Variants in TXNRD1 observed in about 807,000 individuals in gnomAD.
The protein encoded by TXNRD1 is thioredoxin reductase 1, cytoplasmic.
In TXNRD1, 57 loss-of-function variants were observed where a neutral mutation model predicts 80.3. The ratio of observed to expected loss-of-function variants is 0.71; its 90% confidence interval spans 0.57 to 0.89. The LOEUF is 0.89. TXNRD1 is among the 40% of genes least tolerant of loss of function. The pLI is 0.00. For missense variants in TXNRD1, 730 were observed against 803.0 expected, an observed-to-expected ratio of 0.91 and a Z score of 1.10; for synonymous variants, 291 against 285.2, an observed-to-expected ratio of 1.02 and a Z score of -0.20.
chr12:104,246,383 G>C (rs931926855), intron 1 of TXNRD1, among the ~76,000 whole-genome samples: 10 of 151,044 alleles, frequency 6.6e-5, no homozygotes, highest in African/African-American at 2.2e-4. Flanking sequence ...AGCCAAGATC[G>C]CGCCACTGCA....
intron 1 of TXNRD1, among the ~76,000 whole-genome samples, chr12:104,241,405 G>C (rs1368708331): frequency 6.6e-6 from 1 of 150,774 alleles, no homozygotes; most frequent in African/African-American, 2.4e-5. Flanking sequence ...GAGTTTTGCT[G>C]TTGTTGCCCA....
intron 15 of TXNRD1, among the ~76,000 whole-genome samples, chr12:104,335,389 G>A (rs187160815): frequency 1.3e-5 from 2 of 151,878 alleles, no homozygotes; most frequent in Non-Finnish European, 2.9e-5. Flanking sequence ...TAGTAGAGAC[G>A]GGGTTTCACC....
chr12:104,286,068 CTGTT>C (rs765276750), intron 3 of TXNRD1: 5 of 152,182 alleles, frequency 3.3e-5, no homozygotes, highest in South Asian at 2.1e-4. Flanking sequence ...CAGTGGTTGC[CTGTT>C]TGTTTAGAGG....
intron 4 of TXNRD1, among the ~76,000 whole-genome samples, chr12:104,293,204 G>A (rs2034289934): frequency 1.3e-5 from 2 of 152,220 alleles, no homozygotes; most frequent in South Asian, 4.1e-4. Context: ...ACTGAGAGGA[G>A]AAGCAGAGTG....
intron 4 of TXNRD1, chr12:104,304,524 A>C: frequency 6.2e-7 from 1 of 1,614,068 alleles, no homozygotes; most frequent in Non-Finnish European, 8.5e-7. Flanking sequence ...AAGATGGAAG[A>C]AAATGGCAAC....
In TXNRD1 at chr12:104,288,970, C is replaced by T. The variant is rs1450733646; in HGVS notation, c.344C>T (p.Ala115Val). 7 of 1,613,894 alleles carry T rather than the reference C, an allele frequency of 4.3e-6. No individual in the cohort carries two copies. Among genetic ancestry groups the T allele is most frequent in the Admixed American group, 1.7e-5 (1 of 59,994 alleles). ...RALEGTLSEL[A>V]AETDLPVVFV... Reference sequence around the variant, plus strand: ...CTGGAAGGAACGCTCTCGGAATTGGCCGCGGAAACCGATCTGCCCGTTGTG... The same window carrying T: ...CTGGAAGGAACGCTCTCGGAATTGGTCGCGGAAACCGATCTGCCCGTTGTG... The change falls in exon 4 of 17, where the codon GCC becomes GTC. Residue 115 changes from alanine to valine, a missense_variant. Ala to Val is a moderately conservative substitution (Grantham distance 64). Transcript: ENST00000525566.
chr12:104,215,811 C>T lies in TXNRD1; in HGVS notation c.9C>T (p.Cys3=), dbSNP rs1237546693. MG[C]AEGKAVAAAA... is the part of the protein sequence containing the mutation. ...ACAGGGCCTTGTGCGACATGGGCTG[C>T]GCCGAGGGCAAGGCAGTGGCGGCGG... The change falls in exon 1 of 17, where the codon TGC becomes TGT. Residue 3 remains cysteine (C), a synonymous_variant. Transcript: ENST00000525566. 2.6e-6 allele frequency: 4 copies of T among 1,560,864 alleles called. No individual in the cohort carries two copies. Among genetic ancestry groups the T allele is most frequent in the Admixed American group, 1.9e-5 (1 of 51,916 alleles).
chr12:104,346,988 G>A (rs752737464), intron 16 of TXNRD1, among the ~76,000 whole-genome samples: 4 of 152,182 alleles, frequency 2.6e-5, no homozygotes, highest in Admixed American at 1.3e-4. Flanking sequence ...CCACCTACTC[G>A]GGAGGCTGAG....
intron 16 of TXNRD1, among the ~76,000 whole-genome samples, chr12:104,342,598 T>G (rs1351195052): frequency 6.6e-6 from 1 of 152,110 alleles, no homozygotes; most frequent in African/African-American, 2.4e-5. Flanking sequence ...TTCAAGGAAC[T>G]GAAGAAGACC....
At position 104,318,158 on chromosome 12, in the gene TXNRD1, C is replaced by T. The variant is rs150297523; in HGVS notation, c.731-755C>T. Among the ~76,000 whole-genome samples the T allele has an allele frequency of 4.3e-3, 647 of 152,198 alleles. 4 individuals are homozygous for T. The highest frequency in any genetic ancestry group is 0.015 in the African/African-American group (614 of 41,516). ...GGGCAACCAAAGGGTTGATTTTTATCCTTTGAAATTTAATATTACTTTAGT... is the reference window on the plus strand; with the variant it reads ...GGGCAACCAAAGGGTTGATTTTTATTCTTTGAAATTTAATATTACTTTAGT... On this transcript the variant is annotated intron_variant, in intron 7 of 16. Transcript: ENST00000525566.
chr12:104,227,733 C>T (rs114881347), intron 1 of TXNRD1, among the ~76,000 whole-genome samples: 1,529 of 152,250 alleles, frequency 0.01, 35 homozygotes, highest in African/African-American at 0.035. Flanking sequence ...ACCTGTTCTC[C>T]ATCAATATAG....
At chr12:104,256,504 C>A (rs967374995) in intron 2 of TXNRD1, among the ~76,000 whole-genome samples, 1 of 151,978 alleles carries the variant, frequency 6.6e-6, no homozygotes, top group Non-Finnish European at 1.5e-5. Flanking sequence ...CTACTGGCTG[C>A]GTATGGTGGC....
Position 104,288,973 on chromosome 12 carries a change from C to T in TXNRD1, c.347C>T (p.Ala116Val). 5 of 1,613,992 alleles carry T rather than the reference C, an allele frequency of 3.1e-6. No individual in the cohort carries two copies. Among genetic ancestry groups the T allele is most frequent in the South Asian group, 1.1e-5 (1 of 91,080 alleles). Residue 116 changes from alanine (A) to valine (V), a missense_variant, in exon 4 of 17, where the codon GCG becomes GTG. Transcript: ENST00000525566. ...ALEGTLSELA[A>V]ETDLPVVFVK... is the part of the protein sequence containing the mutation. ...GAAGGAACGCTCTCGGAATTGGCCGCGGAAACCGATCTGCCCGTTGTGTTT... is the reference window on the plus strand; with the variant it reads ...GAAGGAACGCTCTCGGAATTGGCCGTGGAAACCGATCTGCCCGTTGTGTTT...
intron 2 of TXNRD1, among the ~76,000 whole-genome samples, chr12:104,254,498 T>C (rs1027738260): frequency 8.6e-5 from 13 of 151,720 alleles, no homozygotes; most frequent in African/African-American, 3.1e-4. Flanking sequence ...CAAACATTAT[T>C]AAAGAATCGG....
chr12:104,221,092 C>T (rs2032345504), intron 1 of TXNRD1, among the ~76,000 whole-genome samples: 1 of 152,012 alleles, frequency 6.6e-6, no homozygotes. Context: ...ACAAAGTGAG[C>T]CTCAGTCTCT....
At chr12:104,256,991 T>C (rs1364454298) in intron 2 of TXNRD1, among the ~76,000 whole-genome samples, 3 of 149,418 alleles carry the variant, frequency 2.0e-5, no homozygotes, top group South Asian at 2.1e-4. Context: ...TTTTTTTTTT[T>C]CAAGAATCAT....
chr12:104,234,117 G>A (rs879687930), intron 1 of TXNRD1, among the ~76,000 whole-genome samples: 2 of 152,094 alleles, frequency 1.3e-5, no homozygotes, highest in South Asian at 2.1e-4. Flanking sequence ...AACTGTCTTC[G>A]AGAAGGAACA....
intron 3 of TXNRD1, among the ~76,000 whole-genome samples, chr12:104,259,769 T>G (rs1193548329): frequency 6.6e-6 from 1 of 151,936 alleles, no homozygotes. Context: ...ATTACAGGTG[T>G]GAGCCACCAC....
intron 4 of TXNRD1, among the ~76,000 whole-genome samples, chr12:104,295,888 A>G (rs1272398222): frequency 6.6e-6 from 1 of 152,222 alleles, no homozygotes; most frequent in Non-Finnish European, 1.5e-5. Context: ...GCAGATACCT[A>G]AGCAAATATG....
Sources: allele counts gnomAD v4.1 joint callset (sites outside exome capture counted in the v4.1 genomes callset), GRCh38; gene constraint gnomAD v4.1.1; transcripts MANE v1.5; gene names NCBI Gene and HGNC (gene_info 2026-07-23, HGNC 2026-07-21).